Variants in LRRTM4 observed in about 807,000 individuals in gnomAD.
The protein encoded by LRRTM4 is leucine-rich repeat transmembrane neuronal protein 4.
Under a neutral mutation model 47.6 loss-of-function variants are expected in LRRTM4, and 25 were observed. The ratio of observed to expected loss-of-function variants is 0.53; its 90% confidence interval spans 0.38 to 0.73. LRRTM4 has a LOEUF of 0.73. Ranked by LOEUF, LRRTM4 falls within the 30% of genes least tolerant of loss-of-function variation. LRRTM4 has a pLI of 0.00. For synonymous variants in LRRTM4, 311 were observed against 269.5 expected, an observed-to-expected ratio of 1.15 and a Z score of -1.51; for missense variants, 638 against 713.4, an observed-to-expected ratio of 0.89 and a Z score of 1.20.
intron 3 of LRRTM4, among the ~76,000 whole-genome samples, chr2:76,835,572 A>T (rs1296796638): frequency 6.6e-6 from 1 of 152,068 alleles, no homozygotes; most frequent in South Asian, 2.1e-4. Context: ...AAGCAAAATA[A>T]ATGCTCTGAT....
intron 3 of LRRTM4, among the ~76,000 whole-genome samples, chr2:77,197,048 T>A (rs1389628978): frequency 6.6e-6 from 1 of 152,120 alleles, no homozygotes; most frequent in African/African-American, 2.4e-5. Flanking sequence ...TGTTTTTTTC[T>A]CCATTGATTT....
chr2:76,990,375 A>T (rs1676959565), intron 3 of LRRTM4, among the ~76,000 whole-genome samples: 1 of 151,714 alleles, frequency 6.6e-6, no homozygotes, highest in Admixed American at 6.6e-5. Context: ...TGGATAAAAT[A>T]GCAAGACCCA....
At chr2:77,355,755 A>G (rs1671943267) in intron 3 of LRRTM4, among the ~76,000 whole-genome samples, 2 of 152,198 alleles carry the variant, frequency 1.3e-5, no homozygotes, top group African/African-American at 4.8e-5. Flanking sequence ...GGTGCAGTGC[A>G]GTGGAACATG....
At chr2:76,890,164 A>T (rs2104151894) in intron 3 of LRRTM4, among the ~76,000 whole-genome samples, 1 of 152,150 alleles carries the variant, frequency 6.6e-6, no homozygotes, top group Non-Finnish European at 1.5e-5. Context: ...TAGCAACCCA[A>T]TAATTTTATG....
At chr2:76,969,976 G>T (rs1676162754) in intron 3 of LRRTM4, among the ~76,000 whole-genome samples, 1 of 151,924 alleles carries the variant, frequency 6.6e-6, no homozygotes, top group Non-Finnish European at 1.5e-5. Flanking sequence ...CAACTTTCAT[G>T]TAACTTCAAA....
intron 3 of LRRTM4, among the ~76,000 whole-genome samples, chr2:76,900,179 A>G (rs1673575106): frequency 6.6e-6 from 1 of 152,118 alleles, no homozygotes; most frequent in Admixed American, 6.6e-5. Flanking sequence ...GATTGCAGTG[A>G]GCCAAGATCA....
rs191885946 is a variant in LRRTM4 at position 77,373,983 on chromosome 2, C to G, written c.1551+144335G>C. ...GTTAACAGAGTCAAACAAGACAAAG[C>G]CTTGCTGGAAATGAGAGACTGGACA... On this transcript the variant is annotated intron_variant, in intron 3 of 3. Transcript: ENST00000409884. Among the ~76,000 whole-genome samples, 437 of 151,776 alleles carry G rather than the reference C, an allele frequency of 2.9e-3. 4 individuals carry two copies. Among genetic ancestry groups the G allele is most frequent in the Non-Finnish European group, 5.3e-3 (356 of 67,804 alleles).
intron 3 of LRRTM4, among the ~76,000 whole-genome samples, chr2:77,375,681 C>G (rs1168923265): frequency 6.6e-6 from 1 of 151,728 alleles, no homozygotes; most frequent in Non-Finnish European, 1.5e-5. Context: ...TAAGTGGAAT[C>G]ACGCAGTATT....
chr2:77,469,250 G>A (rs946687664), intron 3 of LRRTM4, among the ~76,000 whole-genome samples: 5 of 152,194 alleles, frequency 3.3e-5, no homozygotes, highest in African/African-American at 9.6e-5. Context: ...AGCAGCAAGC[G>A]TTTGCCTCTG....
intron 3 of LRRTM4, among the ~76,000 whole-genome samples, chr2:77,212,866 G>A (rs1001971027): frequency 2.6e-5 from 4 of 151,978 alleles, no homozygotes; most frequent in Admixed American, 2.0e-4. Context: ...CTTAGTTCTT[G>A]AAACTAAGGA....
intron 3 of LRRTM4, among the ~76,000 whole-genome samples, chr2:76,839,496 C>G (rs773907186): frequency 2.0e-5 from 3 of 152,142 alleles, no homozygotes; most frequent in African/African-American, 7.2e-5. Context: ...TTCTTTGTAG[C>G]TAAATATTTA....
At chr2:77,078,384 A>ACC (rs746298592) in intron 3 of LRRTM4, among the ~76,000 whole-genome samples, 4 of 95,004 alleles carry the variant, frequency 4.2e-5, no homozygotes, top group Admixed American at 1.0e-4. Flanking sequence ...ACACACCCAC[A>ACC]CACACACACA....
chr2:76,932,484 G>A (rs889754522), intron 3 of LRRTM4, among the ~76,000 whole-genome samples: 3 of 152,090 alleles, frequency 2.0e-5, no homozygotes, highest in African/African-American at 7.2e-5. Flanking sequence ...TAAAGTGAAA[G>A]TTAGGAGTGT....
intron 3 of LRRTM4, among the ~76,000 whole-genome samples, chr2:76,918,530 G>A (rs1036937557): frequency 2.0e-5 from 3 of 152,102 alleles, no homozygotes; most frequent in African/African-American, 7.2e-5. Flanking sequence ...GTATTAATGA[G>A]GAACATGAGA....
At chr2:77,334,898 G>T (rs1261721286) in intron 3 of LRRTM4, among the ~76,000 whole-genome samples, 1 of 152,086 alleles carries the variant, frequency 6.6e-6, no homozygotes, top group Non-Finnish European at 1.5e-5. Context: ...TCTCTTGCAT[G>T]TGTGTTTTGG....
intron 3 of LRRTM4, among the ~76,000 whole-genome samples, chr2:76,999,715 A>G (rs758361934): frequency 2.0e-5 from 3 of 152,130 alleles, no homozygotes; most frequent in African/African-American, 4.8e-5. Context: ...CTTCACCCAG[A>G]TAATAGTGAA....
rs76571634 is a variant in LRRTM4 at position 77,309,168 on chromosome 2, A to G, written c.1551+209150T>C. ...CCTATCATTTTCAACTCAGAAATGCAGACCCTGAAGCACAGTTCAAATAAT... is the reference window on the plus strand; with the variant it reads ...CCTATCATTTTCAACTCAGAAATGCGGACCCTGAAGCACAGTTCAAATAAT... On this transcript the variant is annotated intron_variant, in intron 3 of 3. Transcript: ENST00000409884. Among the ~76,000 whole-genome samples, 937 of 152,296 alleles carry G rather than the reference A, an allele frequency of 6.2e-3. 7 individuals are homozygous for G. The highest frequency in any genetic ancestry group is 0.022 in the African/African-American group (897 of 41,564).
At chr2:76,855,243 A>G (rs1314455517) in intron 3 of LRRTM4, among the ~76,000 whole-genome samples, 1 of 152,212 alleles carries the variant, frequency 6.6e-6, no homozygotes, top group Non-Finnish European at 1.5e-5. Flanking sequence ...TCAGTTGTTA[A>G]AGCAGTGAAT....
Position 77,392,170 on chromosome 2 carries a change from T to C in LRRTM4, c.1551+126148A>G, listed in dbSNP as rs142609287. ...ATGACAAGAACCTTGGCTACCACAA[T>C]CTCCATCCCTATATCTTAACTCAAG... On this transcript the variant is annotated intron_variant, in intron 3 of 3. Transcript: ENST00000409884. 6.0e-3 allele frequency among the ~76,000 whole-genome samples: 916 copies of C among 152,016 alleles called. 9 individuals carry two copies. Among genetic ancestry groups the C allele is most frequent in the African/African-American group, 0.021 (880 of 41,502 alleles).
Sources: gnomAD v4.1 joint callset for allele counts (sites outside exome capture counted in the v4.1 genomes callset) on GRCh38, gnomAD v4.1.1 for gene constraint, MANE v1.5 for transcripts, NCBI Gene and HGNC (gene_info 2026-07-23, HGNC 2026-07-21) for gene names.